IL1RAPL1: variants seen among roughly 807,000 people sequenced by gnomAD.
The protein encoded by IL1RAPL1 is interleukin-1 receptor accessory protein-like 1.
A neutral mutation model predicts 48.4 loss-of-function variants in IL1RAPL1; 3 were observed. The observed-to-expected ratio is 0.06, with a 90% CI of 0.03 to 0.16. The LOEUF (loss-of-function observed/expected upper bound fraction) is 0.16, where lower values mean the gene tolerates loss of function less well. Among genes scored for constraint, IL1RAPL1 ranks in the 10% least tolerant of loss-of-function variants. The probability of loss-of-function intolerance (pLI) is 1.00; values close to 1 mark genes in which losing one functional copy is unlikely to be tolerated. For synonymous variants in IL1RAPL1, 185 were observed against 187.7 expected, an observed-to-expected ratio of 0.99 and a Z score of 0.12; for missense variants, 349 against 530.6, an observed-to-expected ratio of 0.66 and a Z score of 3.36.
At chrX:28,933,639 G>A (rs1923941549) in intron 2 of IL1RAPL1, among the ~76,000 whole-genome samples, 1 of 111,253 alleles carries the variant, frequency 9.0e-6, no homozygotes, top group African/African-American at 3.3e-5. Context: ...GAAAGTATTC[G>A]GGGAGAGTCC....
chrX:29,809,776 CTTT>C (rs200768948), intron 6 of IL1RAPL1, among the ~76,000 whole-genome samples: 3 of 94,788 alleles, frequency 3.2e-5, no homozygotes, highest in Admixed American at 1.2e-4. Flanking sequence ...AAGTCGTTAA[CTTT>C]TTTTTTTTTT....
intron 2 of IL1RAPL1, among the ~76,000 whole-genome samples, chrX:29,133,510 G>A (rs192778253): frequency 9.0e-6 from 1 of 111,083 alleles, no homozygotes; most frequent in East Asian, 2.8e-4. Context: ...TTGGATTAAT[G>A]CAGTTTATTT....
intron 2 of IL1RAPL1, among the ~76,000 whole-genome samples, chrX:29,120,627 T>C (rs1344475285): frequency 8.9e-6 from 1 of 111,849 alleles, no homozygotes; most frequent in Non-Finnish European, 1.9e-5. Context: ...ATTGAGGCTA[T>C]TTTTTGGGTT....
intron 2 of IL1RAPL1, among the ~76,000 whole-genome samples, chrX:29,249,623 G>A (rs1602134508): frequency 9.0e-6 from 1 of 111,330 alleles, no homozygotes; most frequent in East Asian, 2.8e-4. Flanking sequence ...ATTACTAAGC[G>A]ATATATGAAT....
intron 2 of IL1RAPL1, among the ~76,000 whole-genome samples, chrX:29,165,266 C>T (rs1008382239): frequency 7.2e-5 from 8 of 111,499 alleles, no homozygotes; most frequent in African/African-American, 1.3e-4. Context: ...TTGCAGTCAG[C>T]GGAGATCGCG....
chrX:28,947,665 C>A (rs1019014228), intron 2 of IL1RAPL1, among the ~76,000 whole-genome samples: 2 of 111,362 alleles, frequency 1.8e-5, no homozygotes, highest in African/African-American at 6.5e-5. Flanking sequence ...ACGTATGTAA[C>A]AAACCTGCAC....
chrX:29,734,858 A>T (rs1325235305), intron 6 of IL1RAPL1, among the ~76,000 whole-genome samples: 2 of 111,154 alleles, frequency 1.8e-5, no homozygotes, highest in Non-Finnish European at 3.8e-5. Context: ...CCACCCCCCA[A>T]TTCCCAGGGG....
intron 1 of IL1RAPL1, among the ~76,000 whole-genome samples, chrX:28,679,463 GCTTGATGTAATCTCA>G (rs1394030025): frequency 9.1e-6 from 1 of 110,187 alleles, no homozygotes; most frequent in East Asian, 2.9e-4. Context: ...AAGCTTTTTA[GCTTGATGTAATCTCA>G]CTTGTCCTTG....
intron 2 of IL1RAPL1, among the ~76,000 whole-genome samples, chrX:28,897,705 CA>C (rs1428113546): frequency 2.4e-4 from 27 of 111,917 alleles, no homozygotes; most frequent in Non-Finnish European, 3.8e-4. Context: ...TGAGTCACGG[CA>C]CCAAATTTCA....
At chrX:29,492,216 A>G (rs1026464257) in intron 5 of IL1RAPL1, among the ~76,000 whole-genome samples, 1 of 112,548 alleles carries the variant, frequency 8.9e-6, no homozygotes, top group Non-Finnish European at 1.9e-5. Flanking sequence ...TGTAACCGTA[A>G]GTGAAGTCTT....
At chrX:29,414,841 CA>C (rs1175044610) in intron 5 of IL1RAPL1, among the ~76,000 whole-genome samples, 1 of 111,500 alleles carries the variant, frequency 9.0e-6, no homozygotes, top group Non-Finnish European at 1.9e-5. Flanking sequence ...GTTTTGACAT[CA>C]GCAAAATTGA....
chrX:28,732,891 T>G (rs1935772454), intron 1 of IL1RAPL1, among the ~76,000 whole-genome samples: 1 of 111,270 alleles, frequency 9.0e-6, no homozygotes, highest in Admixed American at 9.6e-5. Flanking sequence ...AATTAATAAT[T>G]TGTTTCAAAA....
intron 1 of IL1RAPL1, among the ~76,000 whole-genome samples, chrX:28,763,948 T>G (rs189747860): frequency 1.8e-5 from 2 of 111,065 alleles, no homozygotes; most frequent in Admixed American, 1.9e-4. Context: ...TTTAGTGATA[T>G]CTCAAGGATA....
chrX:29,302,433 T>C (rs1415590347), intron 3 of IL1RAPL1, among the ~76,000 whole-genome samples: 1 of 111,889 alleles, frequency 8.9e-6, no homozygotes, highest in Non-Finnish European at 1.9e-5. Flanking sequence ...TGAGTTCTGA[T>C]ACAGAAGTAA....
At chrX:29,651,790 T>G (rs1374990332) in intron 5 of IL1RAPL1, among the ~76,000 whole-genome samples, 1 of 111,851 alleles carries the variant, frequency 8.9e-6, no homozygotes, top group Non-Finnish European at 1.9e-5. Flanking sequence ...ACCACAAAAA[T>G]GACAACTACG....
At chrX:29,853,374 C>T (rs768149431) in intron 6 of IL1RAPL1, among the ~76,000 whole-genome samples, 41 of 109,716 alleles carry the variant, frequency 3.7e-4, no homozygotes, top group African/African-American at 1.3e-3. Flanking sequence ...TCATAGATCA[C>T]TTGAGCTCAA....
chrX:29,648,354 A>G (rs985249913), intron 5 of IL1RAPL1, among the ~76,000 whole-genome samples: 2 of 112,067 alleles, frequency 1.8e-5, no homozygotes, highest in Non-Finnish European at 3.8e-5. Flanking sequence ...TCAACTGCCC[A>G]TGGAGCATGA....
chrX:29,230,528 A>AAAAAAAAAAAAAAAAAAAAC (rs748535251), intron 2 of IL1RAPL1, among the ~76,000 whole-genome samples: 31 of 99,102 alleles, frequency 3.1e-4, no homozygotes, highest in Non-Finnish European at 5.9e-4. Context: ...AAAAAAAAAA[A>AAAAAAAAAAAAAAAAAAAAC]AAAAAAACCT....
chrX:28,975,097 G>T lies in IL1RAPL1; in HGVS notation c.82+185672G>T, dbSNP rs183130078. ...CTACTCCTAAAATTTTTAATACAAA[G>T]TCATCTGGCCAATGCTTATCTCTTC... On this transcript the variant is annotated intron_variant, in intron 2 of 10. Transcript: ENST00000378993. Among the ~76,000 whole-genome samples the T allele has an allele frequency of 3.8e-4, 43 of 111,771 alleles. 1 individual carries two copies. Among genetic ancestry groups the T allele is most frequent in the African/African-American group, 1.3e-3 (41 of 30,833 alleles).
Sources: allele counts gnomAD v4.1 joint callset (sites outside exome capture counted in the v4.1 genomes callset), GRCh38; gene constraint gnomAD v4.1.1; transcripts MANE v1.5; gene names NCBI Gene and HGNC (gene_info 2026-07-23, HGNC 2026-07-21).